Variants in KCNQ1 observed in about 807,000 individuals in gnomAD.
KCNQ1 encodes the protein potassium voltage-gated channel subfamily KQT member 1.
KCNQ1 carries 49 observed loss-of-function variants against 72.4 expected under a neutral mutation model. The observed-to-expected ratio is 0.68, with a 90% CI of 0.54 to 0.86. KCNQ1 has a LOEUF of 0.86. Among genes scored for constraint, KCNQ1 ranks in the 40% least tolerant of loss-of-function variants. The pLI, the probability that KCNQ1 is intolerant of heterozygous loss-of-function variation, is 0.00. For synonymous variants in KCNQ1, 450 were observed against 412.6 expected (o/e 1.09, Z -1.10); for missense variants, 790 against 945.1 (o/e 0.84, Z 2.15).
intron 11 of KCNQ1, among the ~76,000 whole-genome samples, chr11:2,705,150 G>A (rs769061893): frequency 5.9e-5 from 9 of 152,332 alleles, no homozygotes; most frequent in East Asian, 1.9e-4. Context: ...GCTGCTCGGG[G>A]AATGCCCTCA....
chr11:2,786,028 C>T (rs1378726382), intron 15 of KCNQ1, among the ~76,000 whole-genome samples: 1 of 152,068 alleles, frequency 6.6e-6, no homozygotes, highest in African/African-American at 2.4e-5. Context: ...TTTAAATTTA[C>T]TCACCCATTT....
chr11:2,769,348 C>G lies in KCNQ1; in HGVS notation c.1590+429C>G, dbSNP rs888544480. Among the ~76,000 whole-genome samples the G allele has an allele frequency of 5.9e-5, 9 of 152,212 alleles. No individual in the cohort carries two copies. The highest frequency in any genetic ancestry group is 1.3e-4 in the Non-Finnish European group (9 of 68,038). On this transcript the variant is annotated intron_variant, in intron 12 of 15. Coordinates refer to ENST00000155840, the MANE Select transcript of KCNQ1 (RefSeq NM_000218.3). This position sits in a 1 kb window ranked among gnomAD's most constrained non-coding sequence, Gnocchi z 4.6. The stretch of plus-strand genomic sequence containing the variant: ...CCAGACCCCCCAGCCCTGTCCTCCA[C>G]TGGCTCAGTGCTCTCATTCCCTGCT...
chr11:2,611,641 G>A lies in KCNQ1; in HGVS notation c.1393+22787G>A, dbSNP rs1848981178. Reference sequence around the variant, plus strand: ...TGACTCTTATAGACCATATATATTTGGATCCTGCTTTTAAGGCAGTCTGGC... The same window carrying A: ...TGACTCTTATAGACCATATATATTTAGATCCTGCTTTTAAGGCAGTCTGGC... On this transcript the variant is annotated intron_variant, in intron 10 of 15. Transcript: ENST00000155840. The surrounding 1 kb of genome is among the most constrained non-coding windows in gnomAD (Gnocchi z 5.3). 1 of 398,356 alleles carries A rather than the reference G, an allele frequency of 2.5e-6. No homozygotes were observed. The highest frequency in any genetic ancestry group is 4.4e-6 in the Non-Finnish European group (1 of 226,016). 24.7% of individuals were successfully genotyped at this position (398,356 alleles called of 1,614,324 possible).
chr11:2,607,716 G>A (rs1047185750), intron 10 of KCNQ1, among the ~76,000 whole-genome samples: 5 of 152,174 alleles, frequency 3.3e-5, no homozygotes, highest in Admixed American at 6.5e-5. Context: ...GACAGAAATC[G>A]TGGTGTTTTG....
intron 15 of KCNQ1, among the ~76,000 whole-genome samples, chr11:2,839,506 G>A (rs772400579): frequency 1.5e-4 from 23 of 152,142 alleles, no homozygotes; most frequent in African/African-American, 3.9e-4. Flanking sequence ...ATGTGGCACC[G>A]GCTCATGTCA....
Position 2,604,128 on chromosome 11 carries a change from A to G in KCNQ1, c.1393+15274A>G, listed in dbSNP as rs541054680. On this transcript the variant is annotated intron_variant, in intron 10 of 15. Coordinates refer to ENST00000155840, the MANE Select transcript of KCNQ1 (RefSeq NM_000218.3). ...TTTGACTACTATGAATAATGCTTCT[A>G]GAACATGTGGGTTTTTGTGTGGACA... Among the ~76,000 whole-genome samples the G allele has an allele frequency of 2.0e-5, 3 of 152,322 alleles. No individual in the cohort carries two copies. The East Asian group carries it at 5.8e-4, about 29-fold the overall frequency.
chr11:2,594,635 A>G (rs1848711459), intron 10 of KCNQ1, among the ~76,000 whole-genome samples: 1 of 152,184 alleles, frequency 6.6e-6, no homozygotes, highest in Admixed American at 6.5e-5. Context: ...TGCAGTTTCT[A>G]ACTCTTGAGA....
chr11:2,787,689 T>C lies in KCNQ1; in HGVS notation c.1794+9652T>C, dbSNP rs1846938878. On this transcript the variant is annotated intron_variant, in intron 15 of 15. Coordinates refer to ENST00000155840, the MANE Select transcript of KCNQ1 (RefSeq NM_000218.3). The surrounding 1 kb of genome is among the most constrained non-coding windows in gnomAD (Gnocchi z 6.3). The stretch of plus-strand genomic sequence containing the variant: ...TGACATTCTTCTTTTTCATACTGGG[T>C]CTTCAAAAGCCACTGCATATTTTAC... 6.6e-6 allele frequency among the ~76,000 whole-genome samples: 1 copy of C among 152,208 alleles called. No homozygotes were observed.
rs199472694 is a variant in KCNQ1, at chr11:2,570,664, G to C, written c.514G>C (p.Val172Leu). 1 of 1,612,646 alleles carries C rather than the reference G, an allele frequency of 6.2e-7. No individual in the cohort carries two copies. Among genetic ancestry groups the C allele is most frequent in the South Asian group, 1.1e-5 (1 of 91,082 alleles). Residue 172 changes from valine to leucine, a missense_variant, in exon 3 of 16, where the codon GTG becomes CTG. This residue lies in a region of KCNQ1 where 294 missense variants were observed against 323.3 expected (regional missense o/e 0.91). Transcript: ENST00000155840. ...GGTGGTGTTCTTCGGGACGGAGTAC[G>C]TGGTCCGCCTCTGGTCCGCCGGCTG... ...VLVVFFGTEY[V>L]VRLWSAGCRS...
chr11:2,690,041 C>T lies in KCNQ1; in HGVS notation c.1514+27960C>T, dbSNP rs1403604592. The T allele has an allele frequency of 7.5e-6, 3 of 398,994 alleles. No individual in the cohort carries two copies. The highest frequency in any genetic ancestry group is 1.3e-5 in the Non-Finnish European group (3 of 226,342). The allele number at this position is 398,994 out of a possible 1,614,324, so 24.7% of individuals were successfully genotyped here. A position where few individuals can be genotyped will look rare whatever the true frequency, so the allele number is the denominator to read the frequency against. On this transcript the variant is annotated intron_variant, in intron 11 of 15. Coordinates refer to ENST00000155840, the MANE Select transcript of KCNQ1 (RefSeq NM_000218.3). The surrounding 1 kb of genome is among the most constrained non-coding windows in gnomAD (Gnocchi z 5.1). ...AGCCTTCCGAGGGCCAGCCCTGCCT[C>T]TCCTCCCCTCTCCTAGCCTGCTTCT...
intron 11 of KCNQ1, chr11:2,689,997 A>G (rs1850562355): frequency 5.0e-6 from 2 of 398,690 alleles, no homozygotes; most frequent in Admixed American, 4.4e-5. Flanking sequence ...GCCCAAGCAG[A>G]GAACTGTTGA....
Position 2,764,607 on chromosome 11 carries a change from A to G in KCNQ1, c.1515-4237A>G, listed in dbSNP as rs1846462435. On this transcript the variant is annotated intron_variant, in intron 11 of 15. Transcript: ENST00000155840. This position sits in a 1 kb window ranked among gnomAD's most constrained non-coding sequence, Gnocchi z 4.8. ...ATTATTTTTTCCTTAAACATTTGGA[A>G]GAATTTACTGGTGATGTCGTCTAGA... Among the ~76,000 whole-genome samples, 1 of 152,236 alleles carries G rather than the reference A, an allele frequency of 6.6e-6. No homozygotes were observed. Among genetic ancestry groups the G allele is most frequent in the Non-Finnish European group, 1.5e-5 (1 of 68,038 alleles).
intron 11 of KCNQ1, among the ~76,000 whole-genome samples, chr11:2,765,346 G>A (rs1054284200): frequency 6.6e-6 from 1 of 152,140 alleles, no homozygotes; most frequent in Non-Finnish European, 1.5e-5. Flanking sequence ...TTGTACTGTA[G>A]TCAGAGAGCA....
chr11:2,644,709 C>A, intron 10 of KCNQ1: 1 of 398,566 alleles, frequency 2.5e-6, no homozygotes, highest in South Asian at 1.3e-4. Context: ...CTAAGAGAGT[C>A]TTGTTCCTGA....
chr11:2,523,499 C>T (rs900459174), intron 1 of KCNQ1, among the ~76,000 whole-genome samples: 2 of 152,218 alleles, frequency 1.3e-5, no homozygotes, highest in Admixed American at 1.3e-4. Flanking sequence ...CGCGCCCGGC[C>T]CCACCACTGC....
In KCNQ1 at chr11:2,745,121, G is replaced by A. The variant is rs1048667205; in HGVS notation, c.1515-23723G>A. Among the ~76,000 whole-genome samples, 2 of 152,142 alleles carry A rather than the reference G, an allele frequency of 1.3e-5. No homozygotes were observed. The highest frequency in any genetic ancestry group is 4.8e-5 in the African/African-American group (2 of 41,428). ...ATCTCTTTTTAAGTTTGACTTATCTGTTTGGGACCTTTATTCCTCCATGCC... is the reference window on the plus strand; with the variant it reads ...ATCTCTTTTTAAGTTTGACTTATCTATTTGGGACCTTTATTCCTCCATGCC... On this transcript the variant is annotated intron_variant, in intron 11 of 15. Transcript: ENST00000155840. The surrounding 1 kb of genome is among the most constrained non-coding windows in gnomAD (Gnocchi z 6.2).
In KCNQ1 at chr11:2,674,872, A is replaced by T. The variant is rs1302157362; in HGVS notation, c.1514+12791A>T. 3.2e-5 allele frequency: 11 copies of T among 346,138 alleles called. No individual in the cohort carries two copies. Among genetic ancestry groups the T allele is most frequent in the Non-Finnish European group, 5.0e-5 (10 of 198,290 alleles). The allele number at this position is 346,138 out of a possible 1,614,324, so 21.4% of individuals were successfully genotyped here. On this transcript the variant is annotated intron_variant, in intron 11 of 15. Transcript: ENST00000155840. This position sits in a 1 kb window ranked among gnomAD's most constrained non-coding sequence, Gnocchi z 5.9. ...AAAAAAAAAAAAAAGCTCACTGGGC[A>T]CCTTGGCTGCAGGGTCTGAAAAGTC... is the stretch of plus-strand genomic sequence containing the variant.
At chr11:2,667,075 G>T (rs1038550841) in intron 11 of KCNQ1, 17 of 398,558 alleles carry the variant, frequency 4.3e-5, no homozygotes, top group African/African-American at 3.1e-4. Context: ...TGCACGGGGG[G>T]ATTAAATGTT....
rs965213829 is a variant in KCNQ1 at position 2,599,697 on chromosome 11, G to A, written c.1393+10843G>A. Among the ~76,000 whole-genome samples, 4 of 152,166 alleles carry A rather than the reference G, an allele frequency of 2.6e-5. No homozygotes were observed. Among genetic ancestry groups the A allele is most frequent in the African/African-American group, 9.7e-5 (4 of 41,428 alleles). On this transcript the variant is annotated intron_variant, in intron 10 of 15. Transcript: ENST00000155840. The surrounding 1 kb of genome is among the most constrained non-coding windows in gnomAD (Gnocchi z 4.7). ...GGCCTCTTTCCTTGCCTTGCAGATGGCCGCCTTCTTCCTGTGTCATCACAT... is the reference window on the plus strand; with the variant it reads ...GGCCTCTTTCCTTGCCTTGCAGATGACCGCCTTCTTCCTGTGTCATCACAT...
Sources: gnomAD v4.1 joint callset for allele counts (sites outside exome capture counted in the v4.1 genomes callset) on GRCh38, gnomAD v4.1.1 for gene constraint, gnomAD v4.1.1 regional missense constraint, Gnocchi (gnomAD v3.1) non-coding constraint, MANE v1.5 for transcripts, NCBI Gene and HGNC (gene_info 2026-07-23, HGNC 2026-07-21) for gene names.